MYO5A: variants seen among roughly 807,000 people sequenced by gnomAD.
The protein encoded by MYO5A is myosin VA.
MYO5A carries 98 observed loss-of-function variants against 249.7 expected under a neutral mutation model. The ratio of observed to expected loss-of-function variants is 0.39; its 90% CI spans 0.33 to 0.46. The LOEUF is 0.46. Among genes scored for constraint, MYO5A ranks in the 20% least tolerant of loss-of-function variants. The probability of loss-of-function intolerance (pLI) is 0.98; values close to 1 mark genes in which losing one functional copy is unlikely to be tolerated. For missense variants in MYO5A, 1,696 were observed against 2,308.8 expected (o/e 0.73, Z 5.44); for synonymous variants, 778 against 810.6 (o/e 0.96, Z 0.68).
chr15:52,488,207 A>T (rs200067229), intron 1 of MYO5A, among the ~76,000 whole-genome samples: 16 of 26,506 alleles, frequency 6.0e-4, no homozygotes, highest in Non-Finnish European at 1.7e-3. Context: ...GAGAAGGATT[A>T]AAAAAAAAAA....
chr15:52,442,891 G>C (rs2075813498), intron 1 of MYO5A, among the ~76,000 whole-genome samples: 1 of 151,960 alleles, frequency 6.6e-6, no homozygotes, highest in Admixed American at 6.6e-5. Flanking sequence ...AAGTAGCTGG[G>C]ACTACAATAC....
At chr15:52,413,034 C>T (rs1724635) in intron 5 of MYO5A, among the ~76,000 whole-genome samples, 48,108 of 151,250 alleles carry the variant, frequency 0.32, 9,812 homozygotes, top group East Asian at 0.66. Flanking sequence ...GTAATCCCAG[C>T]TACTCGGGAG....
intron 5 of MYO5A, among the ~76,000 whole-genome samples, chr15:52,412,946 AAGACC>A (rs2043311945): frequency 6.6e-6 from 1 of 152,100 alleles, no homozygotes; most frequent in Non-Finnish European, 1.5e-5. Context: ...TCAAGAGTTC[AAGACC>A]AGCCTGACCA....
In MYO5A at chr15:52,309,709, C is replaced by T. The variant is rs2037718650; in HGVS notation, c.*3987G>A. On this transcript the variant is annotated 3_prime_UTR_variant, in exon 42 of 42. Coordinates refer to ENST00000399233, the MANE Select transcript of MYO5A (RefSeq NM_001382347.1). ...GCGCCGCAGGAAAGCATATCTGGACCCAGGTACTGTTTCTGCATTACTTTC... is the reference window on the plus strand; with the variant it reads ...GCGCCGCAGGAAAGCATATCTGGACTCAGGTACTGTTTCTGCATTACTTTC... 2 of 152,074 alleles carry T rather than the reference C, an allele frequency of 1.3e-5. No homozygotes were observed. The highest frequency in any genetic ancestry group is 4.1e-4 in the South Asian group (2 of 4,830). 9.4% of individuals were successfully genotyped at this position (152,074 alleles called of 1,614,324 possible).
At chr15:52,421,147 T>C (rs992463983) in intron 4 of MYO5A, among the ~76,000 whole-genome samples, 6 of 152,164 alleles carry the variant, frequency 3.9e-5, no homozygotes, top group African/African-American at 1.4e-4. Context: ...TTTGCATAAA[T>C]AGGATACTTA....
At chr15:52,410,587 G>GTTTTT in intron 5 of MYO5A, 111 bp from the exon 6 acceptor site, 4 of 856,258 alleles carry the variant, frequency 4.7e-6, no homozygotes, top group Non-Finnish European at 6.8e-6. Flanking sequence ...CCTTAAAATT[G>GTTTTT]ATTTTTTTTT....
At chr15:52,506,006 G>C in intron 1 of MYO5A, 1 of 699,724 alleles carries the variant, frequency 1.4e-6, no homozygotes, top group Admixed American at 3.2e-5. Context: ...TTGAGGTCAG[G>C]AGTTCGAGAC....
At chr15:52,474,296 A>G (rs556860360) in intron 1 of MYO5A, among the ~76,000 whole-genome samples, 1 of 152,182 alleles carries the variant, frequency 6.6e-6, no homozygotes, top group Non-Finnish European at 1.5e-5. Context: ...GGGCTGAGAC[A>G]ATGGGGTTTT....
chr15:52,373,598 G>C (rs2041243354), intron 20 of MYO5A, among the ~76,000 whole-genome samples: 1 of 152,098 alleles, frequency 6.6e-6, no homozygotes, highest in South Asian at 2.1e-4. Flanking sequence ...ATGGCTGTTG[G>C]CTTACATGTG....
rs1310272519 is a variant in MYO5A at position 52,319,361 on chromosome 15, T to C, written c.4952-19A>G. On this transcript the variant is annotated intron_variant, in intron 38 of 41. Transcript: ENST00000399233. ...CCTGAGACTGCAGGAGTATTTCAAT[T>C]GTTAGAGGAGATGATGTGGAAGGGA... 1 of 1,612,644 alleles carries C rather than the reference T, an allele frequency of 6.2e-7. No individual in the cohort carries two copies. The highest frequency in any genetic ancestry group is 1.3e-5 in the African/African-American group (1 of 74,886).
At chr15:52,499,422 C>T (rs1442021654) in intron 1 of MYO5A, among the ~76,000 whole-genome samples, 1 of 152,112 alleles carries the variant, frequency 6.6e-6, no homozygotes, top group East Asian at 1.9e-4. Context: ...TAACCATCAC[C>T]ACCGTCTGTC....
intron 29 of MYO5A, among the ~76,000 whole-genome samples, chr15:52,348,342 C>T (rs145901849): frequency 2.4e-4 from 36 of 152,306 alleles, no homozygotes; most frequent in Non-Finnish European, 1.0e-4. Context: ...TTTGCAACCT[C>T]GTCAACGAGC....
intron 12 of MYO5A, among the ~76,000 whole-genome samples, chr15:52,390,442 G>T (rs965194476): frequency 6.6e-6 from 1 of 151,380 alleles, no homozygotes; most frequent in African/African-American, 2.4e-5. Context: ...TCAAATAAAG[G>T]TAACATCTGT....
intron 18 of MYO5A, among the ~76,000 whole-genome samples, chr15:52,378,911 T>C (rs1016674702): frequency 1.3e-4 from 20 of 152,178 alleles, no homozygotes; most frequent in African/African-American, 4.8e-4. Flanking sequence ...TTAACAAGCA[T>C]TCCAGGTCAC....
At chr15:52,454,154 G>C (rs1049851986) in intron 1 of MYO5A, among the ~76,000 whole-genome samples, 2 of 152,056 alleles carry the variant, frequency 1.3e-5, no homozygotes, top group African/African-American at 4.8e-5. Flanking sequence ...TAGACTGAAA[G>C]TGAAGGGATG....
Position 52,315,879 on chromosome 15 carries a change from T to C in MYO5A, c.5409+1169A>G, listed in dbSNP as rs569978014. Among the ~76,000 whole-genome samples, 8 of 152,094 alleles carry C rather than the reference T, an allele frequency of 5.3e-5. No homozygotes were observed. In the East Asian group the frequency reaches 9.7e-4, roughly 18 times the overall value. On this transcript the variant is annotated intron_variant, in intron 40 of 41. Transcript: ENST00000399233. ...GTTGGTCAGGCTGGTCTCAAACTGA[T>C]TGAGTTTTAATTGTATTGGGCAAAA...
At chr15:52,377,939 T>C (rs1033000632) in intron 18 of MYO5A, among the ~76,000 whole-genome samples, 2 of 152,198 alleles carry the variant, frequency 1.3e-5, no homozygotes, top group Admixed American at 1.3e-4. Flanking sequence ...TCTCATATTA[T>C]CTCATATATG....
chr15:52,473,578 G>A (rs976780101), intron 1 of MYO5A, among the ~76,000 whole-genome samples: 4 of 152,184 alleles, frequency 2.6e-5, no homozygotes, highest in East Asian at 1.9e-4. Flanking sequence ...CGTATAAGGT[G>A]TAAGGAAGGG....
At chr15:52,376,052 C>A (rs2041394694) in intron 19 of MYO5A, among the ~76,000 whole-genome samples, 1 of 152,188 alleles carries the variant, frequency 6.6e-6, no homozygotes, top group South Asian at 2.1e-4. Flanking sequence ...AGCTCATATT[C>A]ACGACTGTTT....
Sources: allele counts gnomAD v4.1 joint callset (sites outside exome capture counted in the v4.1 genomes callset), GRCh38; gene constraint gnomAD v4.1.1; transcripts MANE v1.5; gene names NCBI Gene and HGNC (gene_info 2026-07-23, HGNC 2026-07-21).